LTBP1: variants seen among roughly 807,000 people sequenced by gnomAD.
The protein encoded by LTBP1 is latent transforming growth factor beta binding protein 1.
LTBP1 carries 129 observed loss-of-function variants against 207.6 expected under a neutral mutation model. That is an observed-to-expected ratio of 0.62 (90% CI 0.54 to 0.72). The LOEUF (loss-of-function observed/expected upper bound fraction) is 0.72, where lower values mean the gene tolerates loss of function less well. Among genes scored for constraint, LTBP1 ranks in the 30% least tolerant of loss-of-function variants. The probability of loss-of-function intolerance (pLI) is 0.00; values close to 1 mark genes in which losing one functional copy is unlikely to be tolerated. For missense variants in LTBP1, 2,281 were observed against 2,217.2 expected, an observed-to-expected ratio of 1.03 and a Z score of -0.58; for synonymous variants, 963 against 833.7, an observed-to-expected ratio of 1.16 and a Z score of -2.67.
intron 31 of LTBP1, among the ~76,000 whole-genome samples, chr2:33,365,946 A>G (rs1477157839): frequency 1.3e-5 from 2 of 152,234 alleles, no homozygotes; most frequent in East Asian, 3.8e-4. Flanking sequence ...TGGAGATATA[A>G]GAAACGGGTT....
At chr2:33,349,608 C>T (rs1479762343) in intron 26 of LTBP1, among the ~76,000 whole-genome samples, 1 of 152,070 alleles carries the variant, frequency 6.6e-6, no homozygotes, top group Non-Finnish European at 1.5e-5. Context: ...GAATCTAAAG[C>T]CTTTTTCAAA....
chr2:33,187,145 C>A, intron 6 of LTBP1, 65 bp downstream of exon 6: 1 of 1,433,234 alleles, frequency 7.0e-7, no homozygotes, highest in Non-Finnish European at 9.7e-7. Context: ...ACATAGAAGT[C>A]AAGGATCTGC....
At chr2:32,961,007 G>A (rs1219194900) in intron 2 of LTBP1, among the ~76,000 whole-genome samples, 5 of 152,188 alleles carry the variant, frequency 3.3e-5, no homozygotes, top group Non-Finnish European at 5.9e-5. Flanking sequence ...TATAAAACAC[G>A]AGTGCATGCA....
chr2:33,031,728 CTT>C (rs919993178), intron 3 of LTBP1, among the ~76,000 whole-genome samples: 2 of 152,104 alleles, frequency 1.3e-5, no homozygotes, highest in Non-Finnish European at 2.9e-5. Context: ...GAATTGATCT[CTT>C]TGTGGGGATT....
chr2:33,347,259 G>A (rs138676732), intron 25 of LTBP1, 108 bp from the exon 26 acceptor site: 6 of 1,254,236 alleles, frequency 4.8e-6, no homozygotes, highest in Admixed American at 2.0e-5. Context: ...GCTCTCTGGG[G>A]ATCGCCTTCT....
In LTBP1 at chr2:33,243,672, A is replaced by G. The variant is rs1175307912; in HGVS notation, c.1887A>G (p.Glu629=). ...TGTGTTTTCCTGCAGATATTAATGA[A>G]TGTCAGCTACAAGGTGTATGCCCTA... ...VNNTFCQDIN[E]CQLQGVCPNG... is the part of the protein sequence containing the mutation. The change falls in exon 10 of 34, where the codon GAA becomes GAG. Residue 629 remains glutamate, a synonymous_variant. Coordinates refer to ENST00000404816, the MANE Select transcript of LTBP1 (RefSeq NM_206943.4). 2 of 1,613,796 alleles carry G rather than the reference A, an allele frequency of 1.2e-6. No homozygotes were observed. Among genetic ancestry groups the G allele is most frequent in the South Asian group, 1.1e-5 (1 of 90,998 alleles).
At chr2:33,397,772 T>C (rs1250254614) in intron 33 of LTBP1, among the ~76,000 whole-genome samples, 1 of 151,540 alleles carries the variant, frequency 6.6e-6, no homozygotes, top group East Asian at 1.9e-4. Context: ...TCCGCCCACC[T>C]TGGCCTCCCA....
At chr2:33,152,365 G>A (rs559894370) in intron 5 of LTBP1, among the ~76,000 whole-genome samples, 21 of 152,250 alleles carry the variant, frequency 1.4e-4, no homozygotes, top group African/African-American at 4.1e-4. Flanking sequence ...ACTACAGTGC[G>A]ATACCACCTC....
chr2:33,176,618 A>G (rs1283594808), intron 5 of LTBP1, among the ~76,000 whole-genome samples: 7 of 152,186 alleles, frequency 4.6e-5, no homozygotes, highest in Admixed American at 4.6e-4. Context: ...ATACTCAGAA[A>G]TTCAACAGCC....
chr2:33,344,710 C>T (rs1033443647), intron 25 of LTBP1, among the ~76,000 whole-genome samples: 1 of 152,176 alleles, frequency 6.6e-6, no homozygotes, highest in Non-Finnish European at 1.5e-5. Flanking sequence ...AATGGGTATA[C>T]CACCTGCAGA....
At chr2:33,354,660 A>G (rs1400246573) in intron 26 of LTBP1, among the ~76,000 whole-genome samples, 11 of 151,316 alleles carry the variant, frequency 7.3e-5, no homozygotes, top group African/African-American at 2.2e-4. Context: ...TGACATATCA[A>G]TCAAAGTGAC....
chr2:33,008,196 T>G (rs1190080528), intron 2 of LTBP1, among the ~76,000 whole-genome samples: 1 of 152,230 alleles, frequency 6.6e-6, no homozygotes. Flanking sequence ...TTCAAACAGA[T>G]TATACATGTT....
At chr2:33,239,656 G>A (rs550125867) in intron 9 of LTBP1, among the ~76,000 whole-genome samples, 2 of 151,918 alleles carry the variant, frequency 1.3e-5, no homozygotes, top group African/African-American at 2.4e-5. Flanking sequence ...ACTTTGGGAG[G>A]CCGAGGTGGG....
intron 10 of LTBP1, among the ~76,000 whole-genome samples, 197 bp from the exon 11 acceptor site, chr2:33,252,480 C>T (rs80198220): frequency 0.036 from 5,430 of 152,222 alleles, 342 homozygotes; most frequent in African/African-American, 0.12. Context: ...ATCACTGTCA[C>T]GACTTTTGGT....
At chr2:33,199,127 T>A (rs2149044109) in intron 7 of LTBP1, among the ~76,000 whole-genome samples, 1 of 152,272 alleles carries the variant, frequency 6.6e-6, no homozygotes, top group Non-Finnish European at 1.5e-5. Flanking sequence ...TCAAAGAACA[T>A]CTTTATTTCT....
chr2:33,128,798 T>TC (rs1446520972), intron 4 of LTBP1, among the ~76,000 whole-genome samples: 4 of 152,208 alleles, frequency 2.6e-5, no homozygotes, highest in African/African-American at 9.6e-5. Context: ...GAGCTCTTGC[T>TC]CCCCCTTTCT....
chr2:33,249,966 A>G (rs1172160323), intron 10 of LTBP1, among the ~76,000 whole-genome samples: 5 of 152,220 alleles, frequency 3.3e-5, no homozygotes, highest in Admixed American at 2.0e-4. Context: ...AATCACATGT[A>G]CCATATTTTA....
intron 5 of LTBP1, among the ~76,000 whole-genome samples, chr2:33,135,287 T>C (rs907840922): frequency 1.2e-4 from 18 of 152,224 alleles, no homozygotes; most frequent in Admixed American, 7.2e-4. Context: ...GCTGATAAGC[T>C]TCAAATTTTA....
intron 3 of LTBP1, among the ~76,000 whole-genome samples, chr2:33,066,991 A>T (rs2077541351): frequency 6.6e-6 from 1 of 152,124 alleles, no homozygotes; most frequent in East Asian, 1.9e-4. Context: ...AACTAGACAG[A>T]ACCCATTTCT....
Sources: allele counts gnomAD v4.1 joint callset (sites outside exome capture counted in the v4.1 genomes callset), GRCh38; gene constraint gnomAD v4.1.1; transcripts MANE v1.5; gene names NCBI Gene and HGNC (gene_info 2026-07-23, HGNC 2026-07-21).